Variants in PLA2R1 observed in about 807,000 individuals in gnomAD.
The protein encoded by PLA2R1 is phospholipase A2 receptor 1.
Under a neutral mutation model 195.9 loss-of-function variants are expected in PLA2R1, and 158 were observed. The ratio of observed to expected loss-of-function variants is 0.81; its 90% CI spans 0.71 to 0.92. PLA2R1 has a LOEUF of 0.92. Among genes scored for constraint, PLA2R1 ranks in the 40% least tolerant of loss-of-function variants. The pLI, the probability that PLA2R1 is intolerant of heterozygous loss-of-function variation, is 0.00. For synonymous variants in PLA2R1, 586 were observed against 598.2 expected (o/e 0.98, Z 0.30); for missense variants, 1,626 against 1,764.6 (o/e 0.92, Z 1.41).
chr2:160,010,503 T>C (rs556624522), intron 10 of PLA2R1, among the ~76,000 whole-genome samples: 11 of 152,264 alleles, frequency 7.2e-5, no homozygotes, highest in Admixed American at 3.3e-4. Context: ...GTTCTAATTG[T>C]GCCCATCAAA....
At chr2:160,036,594 C>A (rs1694177652) in intron 3 of PLA2R1, among the ~76,000 whole-genome samples, 1 of 152,232 alleles carries the variant, frequency 6.6e-6, no homozygotes, top group African/African-American at 2.4e-5. Flanking sequence ...AGGTGCCTTC[C>A]ATTCCTAGGT....
intron 24 of PLA2R1, among the ~76,000 whole-genome samples, chr2:159,950,408 T>G (rs1027752081): frequency 2.6e-5 from 4 of 152,358 alleles, no homozygotes; most frequent in African/African-American, 9.6e-5. Context: ...TTGTCAAAAT[T>G]TTAAGTGTAC....
At chr2:159,988,700 C>T (rs1690535958) in intron 11 of PLA2R1, among the ~76,000 whole-genome samples, 1 of 152,198 alleles carries the variant, frequency 6.6e-6, no homozygotes, top group Non-Finnish European at 1.5e-5. Flanking sequence ...TCACTTGCTA[C>T]TTGATATTTA....
intron 1 of PLA2R1, among the ~76,000 whole-genome samples, chr2:160,059,458 G>A (rs1695804855): frequency 6.6e-6 from 1 of 152,184 alleles, no homozygotes; most frequent in South Asian, 2.1e-4. Flanking sequence ...ACACTTAGAT[G>A]TGTACTATTA....
chr2:159,977,034 TC>T (rs1689610203), intron 15 of PLA2R1, among the ~76,000 whole-genome samples: 1 of 152,222 alleles, frequency 6.6e-6, no homozygotes, highest in African/African-American at 2.4e-5. Context: ...GTGACATTTT[TC>T]CCCGACTATA....
At chr2:160,061,958 T>C (rs893450503) in intron 1 of PLA2R1, among the ~76,000 whole-genome samples, 5 of 152,058 alleles carry the variant, frequency 3.3e-5, no homozygotes, top group Admixed American at 6.5e-5. Flanking sequence ...AGTTTCCGTT[T>C]TGAAACTTCT....
At chr2:160,033,417 T>C (rs1693979979) in intron 3 of PLA2R1, among the ~76,000 whole-genome samples, 2 of 152,198 alleles carry the variant, frequency 1.3e-5, no homozygotes. Context: ...GAGAAGGAAG[T>C]AGAAGCGAAG....
At position 160,020,260 on chromosome 2, in the gene PLA2R1, T is replaced by C. The variant is rs141323673; in HGVS notation, c.1298A>G (p.Asn433Ser). ...CAAACCAATCCATGTTTCTGATGCA[T>C]TTTCTGTAAGAGATAAATGTAAATT... ...EFLVTLLGDENASETWIGLSS... is the reference protein window; with the variant it reads ...EFLVTLLGDESASETWIGLSS... Residue 433 changes from asparagine (N) to serine (S), a missense_variant, in exon 8 of 30, where the codon AAT becomes AGT. By Grantham distance (46) the Asn-to-Ser change is conservative. Transcript: ENST00000283243. 1.1e-3 allele frequency: 1,720 copies of C among 1,607,266 alleles called. 9 individuals are homozygous for C. In the Middle Eastern group the frequency reaches 0.034, roughly 32 times the overall value.
intron 1 of PLA2R1, among the ~76,000 whole-genome samples, chr2:160,052,858 G>T (rs990484029): frequency 1.3e-5 from 2 of 152,132 alleles, no homozygotes; most frequent in African/African-American, 4.8e-5. Context: ...CATCTTAGCC[G>T]CCTTGGGAGT....
At chr2:159,942,016 A>G (rs2125914855) in intron 29 of PLA2R1, 24 bp from the exon 30 acceptor site, 1 of 1,599,298 alleles carries the variant, frequency 6.3e-7, no homozygotes, top group Non-Finnish European at 8.6e-7. Context: ...TTTTTCTTAA[A>G]AAAAGAAAAA....
At chr2:159,952,286 C>T (rs1574655566) in intron 23 of PLA2R1, among the ~76,000 whole-genome samples, 1 of 152,070 alleles carries the variant, frequency 6.6e-6, no homozygotes, top group East Asian at 1.9e-4. Context: ...GAAAACCAAG[C>T]CTGTGTTTAT....
chr2:159,976,552 A>G (rs189545865), intron 16 of PLA2R1, 133 bp downstream of exon 16: 3 of 647,954 alleles, frequency 4.6e-6, no homozygotes, highest in Non-Finnish European at 2.8e-6. Context: ...ATTTGAACAA[A>G]TTAGCTCTAG....
Position 160,061,408 on chromosome 2 carries a change from G to C in PLA2R1, c.109+887C>G, listed in dbSNP as rs186022270. On this transcript the variant is annotated intron_variant, in intron 1 of 29. Coordinates refer to ENST00000283243, the MANE Select transcript of PLA2R1 (RefSeq NM_007366.5). ...GAATTGAACCCCGTTTTTCCACTGA[G>C]AGAGACTAAGGCATAAAGGCTTCAG... 5.7e-4 allele frequency among the ~76,000 whole-genome samples: 87 copies of C among 152,304 alleles called. 1 individual carries two copies. The highest frequency in any genetic ancestry group is 5.7e-3 in the Admixed American group (87 of 15,308).
At chr2:160,052,584 G>T (rs989344148) in intron 1 of PLA2R1, among the ~76,000 whole-genome samples, 5 of 152,192 alleles carry the variant, frequency 3.3e-5, no homozygotes, top group African/African-American at 1.2e-4. Context: ...ACAGCTCTGT[G>T]ATTATCTTAT....
intron 22 of PLA2R1, 22 bp downstream of exon 22, chr2:159,955,676 A>G (rs1306344329): frequency 7.5e-7 from 1 of 1,331,080 alleles, no homozygotes; most frequent in Admixed American, 2.5e-5. Context: ...GTGATCTCCA[A>G]AAAATAAATC....
chr2:160,045,276 A>T (rs1292593803), intron 1 of PLA2R1, 119 bp from the exon 2 acceptor site: 2 of 754,624 alleles, frequency 2.7e-6, no homozygotes, highest in Non-Finnish European at 4.3e-6. Context: ...TTTCCCACAG[A>T]TCTGGAGTTG....
chr2:159,974,670 G>C (rs1389804368), intron 17 of PLA2R1, among the ~76,000 whole-genome samples: 1 of 152,158 alleles, frequency 6.6e-6, no homozygotes, highest in African/African-American at 2.4e-5. Context: ...CCATTCGTAA[G>C]AGTGGAAGGG....
intron 18 of PLA2R1, 60 bp from the exon 19 acceptor site, chr2:159,969,419 T>G: frequency 1.1e-6 from 1 of 884,788 alleles, no homozygotes. Context: ...GTCTCCAACA[T>G]CATTCTTAGA....
At chr2:159,976,879 C>T (rs1654125529) in intron 15 of PLA2R1, among the ~76,000 whole-genome samples, 159 bp from the exon 16 acceptor site, 1 of 152,192 alleles carries the variant, frequency 6.6e-6, no homozygotes, top group Admixed American at 6.5e-5. Flanking sequence ...TGAGTTCTCA[C>T]ACTTGAAGAG....
Sources: gnomAD v4.1 joint callset for allele counts (sites outside exome capture counted in the v4.1 genomes callset) on GRCh38, gnomAD v4.1.1 for gene constraint, MANE v1.5 for transcripts, NCBI Gene and HGNC (gene_info 2026-07-23, HGNC 2026-07-21) for gene names.